The following AR variants were observed in gnomAD, a reference collection of about 807,000 sequenced individuals.
AR encodes dihydrotestosterone receptor.
A neutral mutation model predicts 53.9 loss-of-function variants in AR; 8 were observed. The ratio of observed to expected loss-of-function variants is 0.15; its 90% CI spans 0.09 to 0.27. AR has a LOEUF of 0.27. Ranked by LOEUF, AR falls within the 10% of genes least tolerant of loss-of-function variation. The pLI is 1.00. For synonymous variants in AR, 359 were observed against 316.4 expected (o/e 1.13, Z -1.43); for missense variants, 639 against 742.5 (o/e 0.86, Z 1.62).
At chrX:67,660,313 C>A (rs1448296698) in intron 2 of AR, among the ~76,000 whole-genome samples, 1 of 111,614 alleles carries the variant, frequency 9.0e-6, no homozygotes, top group East Asian at 2.8e-4. Context: ...AATGGTATTG[C>A]GTAGGTTTTC....
At chrX:67,634,546 T>A (rs1230328365) in intron 1 of AR, among the ~76,000 whole-genome samples, 1 of 112,160 alleles carries the variant, frequency 8.9e-6, no homozygotes, top group Non-Finnish European at 1.9e-5. Flanking sequence ...TCTACCTATG[T>A]GTCTTTCCAC....
rs1449247474 is a variant in AR, at chrX:67,603,806, A to C, written c.1617-39450A>C. On this transcript the variant is annotated intron_variant, in intron 1 of 7. Coordinates refer to ENST00000374690, the MANE Select transcript of AR (RefSeq NM_000044.6). ...GGTAAAGTTTGGAAGGTGGTGAGGC[A>C]GAGGCTGGAGACAGGGAGCACATTT... is the stretch of plus-strand genomic sequence containing the variant. Among the ~76,000 whole-genome samples the C allele has an allele frequency of 2.7e-5, 3 of 111,538 alleles. No individual in the cohort carries two copies. In the East Asian group the frequency reaches 8.5e-4, roughly 32 times the overall value.
intron 1 of AR, among the ~76,000 whole-genome samples, chrX:67,630,550 G>A: frequency 9.0e-6 from 1 of 110,789 alleles, no homozygotes; most frequent in East Asian, 2.8e-4. Context: ...TATGAGATGG[G>A]TTTCCTGAAT....
chrX:67,582,737 T>TG (rs750360508), intron 1 of AR, among the ~76,000 whole-genome samples: 5 of 111,732 alleles, frequency 4.5e-5, no homozygotes, highest in Non-Finnish European at 9.4e-5. Flanking sequence ...GCCAGGAATC[T>TG]GTATTTTTAA....
At chrX:67,603,359 G>A (rs1332178361) in intron 1 of AR, among the ~76,000 whole-genome samples, 1 of 111,591 alleles carries the variant, frequency 9.0e-6, no homozygotes, top group Non-Finnish European at 1.9e-5. Context: ...TAAAATATGG[G>A]TCACACTAAC....
intron 1 of AR, among the ~76,000 whole-genome samples, chrX:67,571,403 A>C (rs1921808245): frequency 9.0e-6 from 1 of 111,309 alleles, no homozygotes; most frequent in Non-Finnish European, 1.9e-5. Context: ...TTCTGATGTC[A>C]GTCTGTGATG....
At chrX:67,633,635 C>T (rs1047249556) in intron 1 of AR, among the ~76,000 whole-genome samples, 17 of 111,806 alleles carry the variant, frequency 1.5e-4, no homozygotes, top group East Asian at 5.6e-4. Context: ...AAAGAGTGGA[C>T]GACAAATGTC....
chrX:67,630,024 C>A (rs1304861877), intron 1 of AR, among the ~76,000 whole-genome samples: 5 of 111,060 alleles, frequency 4.5e-5, no homozygotes, highest in African/African-American at 1.6e-4. Context: ...AATTTCTGTT[C>A]TTTTACATTT....
chrX:67,728,611 A>AG lies in AR; in HGVS notation c.*4770_*4771insG, dbSNP rs1277929966. 1 of 98,933 alleles carries AG rather than the reference A, an allele frequency of 1.0e-5. No individual in the cohort carries two copies. The highest frequency in any genetic ancestry group is 3.9e-5 in the African/African-American group (1 of 25,773). 8.2% of individuals were successfully genotyped at this position (98,933 alleles called of 1,213,427 possible). On this transcript the variant is annotated 3_prime_UTR_variant, in exon 8 of 8. Transcript: ENST00000374690. ...TATATATATATATATATATATATAT[A>AG]TATAGTGTGTGTGTGTGTTCTGATA...
Position 67,546,279 on chromosome X carries a change from C to G in AR, c.1133C>G (p.Pro378Arg), listed in dbSNP as rs1292905043. 2.5e-6 allele frequency: 3 copies of G among 1,203,610 alleles called. No homozygotes were observed. The African/African-American group carries it at 5.2e-5, about 21-fold the overall frequency. The change falls in exon 1 of 8, where the codon CCG (proline) becomes CGG (arginine). Residue 378 changes from proline (P) to arginine (R), a missense_variant. This residue lies in a region of AR where 423 missense variants were observed against 377.0 expected (regional missense o/e 1.12). Coordinates refer to ENST00000374690, the MANE Select transcript of AR (RefSeq NM_000044.6). ...GCTCTGGCCGGACCGCCGCCCCCTC[C>G]GCCGCCTCCCCATCCCCACGCTCGC... ...PLALAGPPPPPPPPHPHARIK... is the reference protein window; with the variant it reads ...PLALAGPPPPRPPPHPHARIK...
At position 67,686,885 on chromosome X, in the gene AR, A is replaced by G. The variant is rs891994161; in HGVS notation, c.1885+759A>G. 1.2e-4 allele frequency among the ~76,000 whole-genome samples: 13 copies of G among 110,879 alleles called. No individual in the cohort carries two copies. In the East Asian group the frequency reaches 1.4e-3, roughly 12 times the overall value. Reference sequence around the variant, plus strand: ...TGTCACCATTCCAGAAAGGCTTGACATCAGTTGATTGAGACTTATATTTTC... The same window carrying G: ...TGTCACCATTCCAGAAAGGCTTGACGTCAGTTGATTGAGACTTATATTTTC... On this transcript the variant is annotated intron_variant, in intron 3 of 7. Coordinates refer to ENST00000374690, the MANE Select transcript of AR (RefSeq NM_000044.6).
At chrX:67,686,503 TGCAGGATGACCCAGGCATAGGC>T (rs910117330) in intron 3 of AR, among the ~76,000 whole-genome samples, 5 of 110,624 alleles carry the variant, frequency 4.5e-5, no homozygotes, top group African/African-American at 9.9e-5. Flanking sequence ...CAGTCAGAGG[TGCAGGATGACCCAGGCATAGGC>T]GCAGGATGAC....
intron 4 of AR, among the ~76,000 whole-genome samples, chrX:67,713,867 C>A (rs779038386): frequency 1.8e-5 from 2 of 111,777 alleles, no homozygotes; most frequent in East Asian, 5.6e-4. Context: ...TGATTTCTGA[C>A]CCCAAGTCTT....
chrX:67,588,481 C>T, intron 1 of AR, among the ~76,000 whole-genome samples: 1 of 111,942 alleles, frequency 8.9e-6, no homozygotes, highest in Non-Finnish European at 1.9e-5. Context: ...CATGCCCAGC[C>T]TGGGATCATC....
At chrX:67,584,993 C>T (rs990104297) in intron 1 of AR, among the ~76,000 whole-genome samples, 9 of 111,627 alleles carry the variant, frequency 8.1e-5, no homozygotes, top group African/African-American at 2.9e-4. Flanking sequence ...CAGTGGCTCA[C>T]GACTGTAATC....
intron 2 of AR, among the ~76,000 whole-genome samples, chrX:67,672,421 T>G (rs2075871352): frequency 9.0e-6 from 1 of 111,358 alleles, no homozygotes; most frequent in South Asian, 3.8e-4. Flanking sequence ...TCTTCCTTTT[T>G]TCCTTCTTTC....
intron 3 of AR, among the ~76,000 whole-genome samples, chrX:67,703,386 C>G (rs1440429535): frequency 8.9e-6 from 1 of 111,951 alleles, no homozygotes; most frequent in East Asian, 2.8e-4. Flanking sequence ...CTAAGGACCT[C>G]TAAATTGTGT....
chrX:67,711,461 A>C lies in AR; in HGVS notation c.1945A>C (p.Thr649Pro), dbSNP rs780406610. Reference sequence around the variant, plus strand: ...ACAGGAGGAAGGAGAGGCTTCCAGCACCACCAGCCCCACTGAGGAGACAAC... The same window carrying C: ...ACAGGAGGAAGGAGAGGCTTCCAGCCCCACCAGCCCCACTGAGGAGACAAC... ...KLQEEGEASS[T>P]TSPTEETTQK... The change falls in exon 4 of 8, where the codon ACC (threonine) becomes CCC (proline). Residue 649 changes from threonine (T) to proline (P), a missense_variant. Thr to Pro is a conservative substitution (Grantham distance 38). Around this residue, in one of 5 missense-constraint regions of AR, gnomAD observed 47 missense variants for 35.9 expected, o/e 1.31. Coordinates refer to ENST00000374690, the MANE Select transcript of AR (RefSeq NM_000044.6). 2.2e-5 allele frequency: 27 copies of C among 1,205,209 alleles called. No homozygotes were observed. Among genetic ancestry groups the C allele is most frequent in the Non-Finnish European group, 2.8e-5 (25 of 892,597 alleles).
chrX:67,697,904 A>G (rs766158040), intron 3 of AR, among the ~76,000 whole-genome samples: 111 of 112,019 alleles, frequency 9.9e-4, no homozygotes, highest in Non-Finnish European at 1.6e-3. Context: ...CTTTTTCACC[A>G]TGCTTTAATC....
Sources: allele counts gnomAD v4.1 joint callset (sites outside exome capture counted in the v4.1 genomes callset), GRCh38; gene constraint gnomAD v4.1.1; regional missense constraint gnomAD v4.1.1; transcripts MANE v1.5; gene names NCBI Gene and HGNC (gene_info 2026-07-23, HGNC 2026-07-21).